PAGR1: variants seen among roughly 807,000 people sequenced by gnomAD.
PAGR1 encodes the protein PAXIP1 associated glutamate rich protein 1.
A neutral mutation model predicts 22.4 loss-of-function variants in PAGR1; 20 were observed. The ratio of observed to expected loss-of-function variants is 0.89; its 90% CI spans 0.63 to 1.30. PAGR1 has a LOEUF of 1.30. PAGR1 is among the 50% of genes most tolerant of loss of function. The pLI is 0.00. For synonymous variants in PAGR1, 161 were observed against 148.3 expected, an observed-to-expected ratio of 1.09 and a Z score of -0.62; for missense variants, 338 against 343.6, an observed-to-expected ratio of 0.98 and a Z score of 0.13.
chr16:29,818,907 A>T (rs2079033879), intron 2 of PAGR1, among the ~76,000 whole-genome samples: 1 of 152,050 alleles, frequency 6.6e-6, no homozygotes, highest in African/African-American at 2.4e-5. Flanking sequence ...TTTCCAAGGG[A>T]TTCCATCTTG....
chr16:29,821,919 A>G lies in PAGR1; in HGVS notation c.*2165A>G, dbSNP rs970198389. Among the ~76,000 whole-genome samples the G allele has an allele frequency of 6.6e-6, 1 of 152,116 alleles. No individual in the cohort carries two copies. The highest frequency in any genetic ancestry group is 2.1e-4 in the South Asian group (1 of 4,830). On this transcript the variant is annotated 3_prime_UTR_variant, in exon 3 of 3. Transcript: ENST00000320330. ...AGTGAGGCCTGCAAAAAGCAGCAGG[A>G]GTGGGGTTAAGAATTCCAGCCTAGG...
At position 29,819,648 on chromosome 16, in the gene PAGR1, G is replaced by A. The variant is rs760469542; in HGVS notation, c.659G>A (p.Arg220His). 8.1e-6 allele frequency: 13 copies of A among 1,613,932 alleles called. No homozygotes were observed. Among genetic ancestry groups the A allele is most frequent in the Admixed American group, 3.3e-5 (2 of 59,998 alleles). Reference sequence around the variant, plus strand: ...AAGAAGCTGGAGGAGCAGATCCTTCGTACCGGGAGGGACCTCTTCAGCCTG... The same window carrying A: ...AAGAAGCTGGAGGAGCAGATCCTTCATACCGGGAGGGACCTCTTCAGCCTG... The part of the protein sequence containing the change: ...RHKKLEEQIL[R>H]TGRDLFSLDS... The change falls in exon 3 of 3, where the codon CGT becomes CAT. Residue 220 changes from arginine to histidine, a missense_variant. By Grantham distance (29) the Arg-to-His change is conservative. This residue lies in a region of PAGR1 where 51 missense variants were observed against 83.1 expected (regional missense o/e 0.61). Coordinates refer to ENST00000320330, the MANE Select transcript of PAGR1 (RefSeq NM_024516.4).
At position 29,817,046 on chromosome 16, in the gene PAGR1, C is replaced by A. The variant is rs765552694; in HGVS notation, c.482+39C>A. 4.5e-6 allele frequency: 7 copies of A among 1,554,134 alleles called. No homozygotes were observed. The South Asian group carries it at 7.0e-5, about 16-fold the overall frequency. On this transcript the variant is annotated intron_variant, in intron 1 of 2. Transcript: ENST00000320330. ...CTTACACCTTGTCCCGGGGCTGCTC[C>A]CCTGATGGCGGGAGGAAATAGGGAG...
At chr16:29,817,065 TAGGG>T (rs1397952381) in intron 1 of PAGR1, 58 bp downstream of exon 1, 19 of 1,553,984 alleles carry the variant, frequency 1.2e-5, no homozygotes, top group South Asian at 7.0e-5. Flanking sequence ...CGGGAGGAAA[TAGGG>T]AGGGGAAAAT....
chr16:29,821,983 T>C lies in PAGR1; in HGVS notation c.*2229T>C, dbSNP rs1293404463. 6.6e-6 allele frequency among the ~76,000 whole-genome samples: 1 copy of C among 152,040 alleles called. No individual in the cohort carries two copies. The highest frequency in any genetic ancestry group is 2.4e-5 in the African/African-American group (1 of 41,388). The stretch of plus-strand genomic sequence containing the variant: ...GCTCAGGCCTGTAATCCCAGTACTT[T>C]GGGAGGCCCGAATGGGAGGATGGCT... On this transcript the variant is annotated 3_prime_UTR_variant, in exon 3 of 3. Coordinates refer to ENST00000320330, the MANE Select transcript of PAGR1 (RefSeq NM_024516.4).
intron 2 of PAGR1, 121 bp from the exon 3 acceptor site, chr16:29,819,434 C>A: frequency 9.8e-7 from 1 of 1,023,282 alleles, no homozygotes; most frequent in Non-Finnish European, 1.5e-6. Context: ...TCAGGTCCTC[C>A]AAGACAGAGG....
chr16:29,818,959 C>T (rs375051019), intron 2 of PAGR1, among the ~76,000 whole-genome samples: 5 of 152,118 alleles, frequency 3.3e-5, no homozygotes, highest in African/African-American at 1.2e-4. Flanking sequence ...GCGCTTTTCC[C>T]GCCACCTCCA....
rs777571525 is a variant in PAGR1 at position 29,816,592 on chromosome 16, G to C, written c.67G>C (p.Glu23Gln). ...GGCGGCGCCTCTGTCTGAAGAAGGG[G>C]AAGTGACCTCCGGCCTCCAGGCTCT... ...STAAPLSEEGEVTSGLQALAV... is the reference protein window; with the variant it reads ...STAAPLSEEGQVTSGLQALAV... The change falls in exon 1 of 3, where the codon GAA (glutamate) becomes CAA (glutamine). Residue 23 changes from glutamate to glutamine, a missense_variant. By Grantham distance (29) the Glu-to-Gln change is conservative. Transcript: ENST00000320330. 1 of 1,516,324 alleles carries C rather than the reference G, an allele frequency of 6.6e-7. No individual in the cohort carries two copies. Among genetic ancestry groups the C allele is most frequent in the Non-Finnish European group, 8.8e-7 (1 of 1,135,728 alleles). The allele number at this position is 1,516,324 out of a possible 1,614,324, so 93.9% of individuals were successfully genotyped here.
At position 29,819,848 on chromosome 16, in the gene PAGR1, AGAG is replaced by A; in HGVS notation, c.*95_*97del. ...CCAGACATTGAGAAACTTGGGAAGA[AGAG>A]AGAAACCTCAAGCTCCCAAACAGCA... is the stretch of plus-strand genomic sequence containing the variant. On this transcript the variant is annotated 3_prime_UTR_variant, in exon 3 of 3. Coordinates refer to ENST00000320330, the MANE Select transcript of PAGR1 (RefSeq NM_024516.4). 1.5e-6 allele frequency: 2 copies of A among 1,364,422 alleles called. No individual in the cohort carries two copies. Among genetic ancestry groups the A allele is most frequent in the East Asian group, 4.9e-5 (2 of 40,964 alleles). The allele number at this position is 1,364,422 out of a possible 1,614,324, so 84.5% of individuals were successfully genotyped here. A position where few individuals can be genotyped will look rare whatever the true frequency, so the allele number is the denominator to read the frequency against.
intron 2 of PAGR1, chr16:29,818,356 C>T (rs150997605): frequency 2.0e-5 from 3 of 152,200 alleles, no homozygotes; most frequent in African/African-American, 7.2e-5. Flanking sequence ...CTTGATTTCT[C>T]TCTCTTTTAC....
chr16:29,819,531 G>T (rs749387738), intron 2 of PAGR1, 24 bp from the exon 3 acceptor site: 4 of 1,613,308 alleles, frequency 2.5e-6, no homozygotes, highest in Non-Finnish European at 3.4e-6. Context: ...TCCCTTCCAT[G>T]TATCTTACCT....
chr16:29,816,890 A>G lies in PAGR1; in HGVS notation c.365A>G (p.His122Arg). 1 of 1,563,580 alleles carries G rather than the reference A, an allele frequency of 6.4e-7. No homozygotes were observed. The highest frequency in any genetic ancestry group is 8.6e-7 in the Non-Finnish European group (1 of 1,156,478). Residue 122 changes from histidine to arginine, a missense_variant, in exon 1 of 3, where the codon CAC becomes CGC. His to Arg is a conservative substitution (Grantham distance 29). This residue lies in a region of PAGR1 where 235 missense variants were observed against 216.0 expected (regional missense o/e 1.09). Transcript: ENST00000320330. Reference sequence around the variant, plus strand: ...CGGCTCTATGAACTGCTGGCTGCCCACGGTACTCTGGAGCTGCAAGCCGAG... The same window carrying G: ...CGGCTCTATGAACTGCTGGCTGCCCGCGGTACTCTGGAGCTGCAAGCCGAG... ...IQRLYELLAA[H>R]GTLELQAEIL...
chr16:29,816,398 C>T lies in PAGR1; in HGVS notation c.-128C>T, dbSNP rs1217993715. The T allele has an allele frequency of 9.8e-7, 1 of 1,019,690 alleles. No individual in the cohort carries two copies. Among genetic ancestry groups the T allele is most frequent in the Non-Finnish European group, 1.3e-6 (1 of 770,432 alleles). 63.2% of individuals were successfully genotyped at this position (1,019,690 alleles called of 1,614,324 possible). On this transcript the variant is annotated 5_prime_UTR_variant, in exon 1 of 3. Transcript: ENST00000320330. ...CCCTCCCGGGGACGGGCGGTCTGGCCGCGGAGTCCCCTGCGGGAGCGTGAT... is the reference window on the plus strand; with the variant it reads ...CCCTCCCGGGGACGGGCGGTCTGGCTGCGGAGTCCCCTGCGGGAGCGTGAT...
rs1461500222 is a variant in PAGR1 at position 29,816,730 on chromosome 16, G to A, written c.205G>A (p.Gly69Arg). ...GGGGTCCGGGGGCGAGGAGGCGCAGGGAGAAGTCCCCAGCGCTGGGGGAGA... is the reference window on the plus strand; with the variant it reads ...GGGGTCCGGGGGCGAGGAGGCGCAGAGAGAAGTCCCCAGCGCTGGGGGAGA... ...REGSGGEEAQGEVPSAGGEEP... is the reference protein window; with the variant it reads ...REGSGGEEAQREVPSAGGEEP... The change falls in exon 1 of 3, where the codon GGA becomes AGA. Residue 69 changes from glycine to arginine, a missense_variant. Around this residue, in one of 3 missense-constraint regions of PAGR1, gnomAD observed 235 missense variants for 216.0 expected, o/e 1.09. Transcript: ENST00000320330. 2 of 1,606,158 alleles carry A rather than the reference G, an allele frequency of 1.2e-6. No individual in the cohort carries two copies. The highest frequency in any genetic ancestry group is 2.2e-5 in the East Asian group (1 of 44,636).
In PAGR1 at chr16:29,816,902, A is replaced by G; in HGVS notation, c.377A>G (p.Glu126Gly). Residue 126 changes from glutamate (E) to glycine (G), a missense_variant, in exon 1 of 3, where the codon GAG (glutamate) becomes GGG (glycine). Transcript: ENST00000320330. ...CTGCTGGCTGCCCACGGTACTCTGG[A>G]GCTGCAAGCCGAGATCCTGCCCCGC... is the stretch of plus-strand genomic sequence containing the variant. ...YELLAAHGTL[E>G]LQAEILPRRP... 6.4e-7 allele frequency: 1 copy of G among 1,562,312 alleles called. No individual in the cohort carries two copies. Among genetic ancestry groups the G allele is most frequent in the Non-Finnish European group, 8.6e-7 (1 of 1,156,162 alleles).
Position 29,817,277 on chromosome 16 carries a change from C to T in PAGR1, c.550C>T (p.Arg184Trp), listed in dbSNP as rs766634825. The change falls in exon 2 of 3, where the codon CGG (arginine) becomes TGG (tryptophan). Residue 184 changes from arginine (R) to tryptophan (W), a missense_variant. By Grantham distance (101) the Arg-to-Trp change is moderately radical (BLOSUM62 -3). Around this residue, in one of 3 missense-constraint regions of PAGR1, gnomAD observed 51 missense variants for 83.1 expected, o/e 0.61. Coordinates refer to ENST00000320330, the MANE Select transcript of PAGR1 (RefSeq NM_024516.4). ...GACACCAAAGGACTCCCTGATTGAC[C>T]GGAGACGCACCCCAGGTACAAACGA... ...PVTPKDSLID[R>W]RRTPGSSARS... 2.5e-6 allele frequency: 4 copies of T among 1,613,918 alleles called. No individual in the cohort carries two copies. The highest frequency in any genetic ancestry group is 2.2e-5 in the East Asian group (1 of 44,852).
In PAGR1 at chr16:29,816,297, T is replaced by A. The variant is rs1281021388; in HGVS notation, c.-229T>A. The A allele has an allele frequency of 4.8e-6, 2 of 416,672 alleles. No individual in the cohort carries two copies. Among genetic ancestry groups the A allele is most frequent in the South Asian group, 2.1e-4 (2 of 9,622 alleles). 25.8% of individuals were successfully genotyped at this position (416,672 alleles called of 1,614,324 possible). A position where few individuals can be genotyped will look rare whatever the true frequency, so the allele number is the denominator to read the frequency against. On this transcript the variant is annotated 5_prime_UTR_variant, in exon 1 of 3. Coordinates refer to ENST00000320330, the MANE Select transcript of PAGR1 (RefSeq NM_024516.4). ...CCCCTTTCCCTCTTTCGGAAAGTGGTTTCTGCGGGGCCCGGGAGCCTCGGA... is the reference window on the plus strand; with the variant it reads ...CCCCTTTCCCTCTTTCGGAAAGTGGATTCTGCGGGGCCCGGGAGCCTCGGA...
Position 29,816,785 on chromosome 16 carries a change from G to A in PAGR1, c.260G>A (p.Trp87Ter). ...EEPAEEDSED[W>*]CVPCSDEEVE... The stretch of plus-strand genomic sequence containing the variant: ...CCTGCCGAGGAGGACTCCGAGGACT[G>A]GTGCGTGCCCTGCAGCGACGAGGAG... The change falls in exon 1 of 3, where the codon TGG (tryptophan) becomes TAG (stop). Residue 87 changes from tryptophan (W) to a stop codon, truncating the protein, a stop_gained. Coordinates refer to ENST00000320330, the MANE Select transcript of PAGR1 (RefSeq NM_024516.4). LOFTEE classifies it high-confidence loss of function. 6.3e-7 allele frequency: 1 copy of A among 1,578,906 alleles called. No homozygotes were observed.
In PAGR1 at chr16:29,817,357, T is replaced by TC. The variant is rs1182434329; in HGVS notation, c.565+69dup. The TC allele has an allele frequency of 2.6e-5, 40 of 1,512,594 alleles. 1 individual carries two copies. Among genetic ancestry groups the TC allele is most frequent in the Non-Finnish European group, 3.6e-5 (39 of 1,098,336 alleles). The allele number at this position is 1,512,594 out of a possible 1,614,324, so 93.7% of individuals were successfully genotyped here. On this transcript the variant is annotated intron_variant, in intron 2 of 2. Transcript: ENST00000320330. ...CTCGGCTCAGTTACCCAAGATCGGC[T>TC]CCCCTAGAGGCCTTTGCTTGCTGCC... is the stretch of plus-strand genomic sequence containing the variant.
Sources: allele counts gnomAD v4.1 joint callset (sites outside exome capture counted in the v4.1 genomes callset), GRCh38; gene constraint gnomAD v4.1.1; regional missense constraint gnomAD v4.1.1; transcripts MANE v1.5; gene names NCBI Gene and HGNC (gene_info 2026-07-23, HGNC 2026-07-21).